Variants in NFU1 observed in about 807,000 individuals in gnomAD.
The protein encoded by NFU1 is NFU1 iron-sulfur cluster scaffold, also known as NFU1 iron-sulfur cluster scaffold homolog, mitochondrial.
In NFU1, 30 loss-of-function variants were observed where a neutral mutation model predicts 32.2. The ratio of observed to expected loss-of-function variants is 0.93; its 90% CI spans 0.70 to 1.26. NFU1 has a LOEUF of 1.26. Among genes scored for constraint, NFU1 ranks in the 50% most tolerant of loss-of-function variants. The pLI, the probability that NFU1 is intolerant of heterozygous loss-of-function variation, is 0.00. For synonymous variants in NFU1, 112 were observed against 104.6 expected (o/e 1.07, Z -0.43); for missense variants, 306 against 306.6 (o/e 1.00, Z 0.02).
At chr2:69,432,140 C>T (rs1382040647) in intron 1 of NFU1, 135 bp from the exon 2 acceptor site, 2 of 661,088 alleles carry the variant, frequency 3.0e-6, no homozygotes, top group Non-Finnish European at 5.4e-6. Flanking sequence ...AGAGAACTGA[C>T]TTTTCATCTT....
intron 2 of NFU1, 97 bp downstream of exon 2, chr2:69,431,805 A>C (rs1428839140): frequency 3.7e-6 from 3 of 813,644 alleles, no homozygotes; most frequent in Non-Finnish European, 6.3e-6. Flanking sequence ...TTCTAAATAG[A>C]AAATATACAA....
chr2:69,424,133 C>G (rs1369839898), intron 2 of NFU1, among the ~76,000 whole-genome samples: 1 of 126,368 alleles, frequency 7.9e-6, no homozygotes, highest in African/African-American at 3.0e-5. Context: ...GATTGCACCA[C>G]TGCACTCCAG....
rs971572991 is a variant in NFU1, at chr2:69,399,041, G to A, written c.720+1323C>T. Among the ~76,000 whole-genome samples, 6 of 151,954 alleles carry A rather than the reference G, an allele frequency of 3.9e-5. No individual in the cohort carries two copies. The South Asian group carries it at 6.3e-4, about 16-fold the overall frequency. Reference sequence around the variant, plus strand: ...AGCCTGGGCAACATGATGAAACCCCGTCTCTACTAAAATACAAAATACAAA... The same window carrying A: ...AGCCTGGGCAACATGATGAAACCCCATCTCTACTAAAATACAAAATACAAA... On this transcript the variant is annotated intron_variant, in intron 7 of 7. Coordinates refer to ENST00000410022, the MANE Select transcript of NFU1 (RefSeq NM_001002755.4).
intron 2 of NFU1, among the ~76,000 whole-genome samples, chr2:69,427,874 T>C (rs749935527): frequency 6.6e-6 from 1 of 151,096 alleles, no homozygotes; most frequent in Non-Finnish European, 1.5e-5. Context: ...AATACAAAAA[T>C]TAGCCAGGCG....
At chr2:69,419,292 A>C (rs963781741) in intron 4 of NFU1, among the ~76,000 whole-genome samples, 1 of 151,912 alleles carries the variant, frequency 6.6e-6, no homozygotes, top group African/African-American at 2.4e-5. Flanking sequence ...GCACCATCAC[A>C]CTCCAGCCTG....
Position 69,423,674 on chromosome 2 carries a change from GT to G in NFU1, c.209del (p.Asn70ThrfsTer3). 6.2e-7 allele frequency: 1 copy of G among 1,609,330 alleles called. No individual in the cohort carries two copies. The highest frequency in any genetic ancestry group is 2.2e-5 in the East Asian group (1 of 44,848). ...FIQTQDTPNP[N>X]SLKFIPGKPV... ...GTTTTCCTGGTATAAACTTTAAGCT[GT>G]TTGGATTTGGGGTATCTTGTGTTTG... On this transcript the variant is annotated frameshift_variant, in exon 3 of 8. Coordinates refer to ENST00000410022, the MANE Select transcript of NFU1 (RefSeq NM_001002755.4). LOFTEE classifies it high-confidence loss of function.
At position 69,400,681 on chromosome 2, in the gene NFU1, T is replaced by C. The variant is rs568505994; in HGVS notation, c.546-143A>G. On this transcript the variant is annotated intron_variant, in intron 6 of 7. Transcript: ENST00000410022. ...CTTTTATAATACAGAATAATAACTG[T>C]GGCTAAGTTTTATTTAGAATTAAAT... is the stretch of plus-strand genomic sequence containing the variant. 1.0e-5 allele frequency: 7 copies of C among 677,734 alleles called. No homozygotes were observed. In the South Asian group the frequency reaches 1.2e-4, roughly 11 times the overall value. The allele number at this position is 677,734 out of a possible 1,614,324, so 42.0% of individuals were successfully genotyped here. A position where few individuals can be genotyped will look rare whatever the true frequency, so the allele number is the denominator to read the frequency against.
At position 69,434,154 on chromosome 2, in the gene NFU1, T is replaced by A. The variant is rs1349059156; in HGVS notation, c.63-2149A>T. On this transcript the variant is annotated intron_variant, in intron 1 of 7. Transcript: ENST00000410022. Reference sequence around the variant, plus strand: ...TTCACTTCACTTTTTTTTTTCTTTTTTTTTTTGTGAGACGGAGTCTTGCTC... The same window carrying A: ...TTCACTTCACTTTTTTTTTTCTTTTATTTTTTGTGAGACGGAGTCTTGCTC... 1.7e-4 allele frequency among the ~76,000 whole-genome samples: 26 copies of A among 151,846 alleles called. No homozygotes were observed. The South Asian group carries it at 5.0e-3, about 29-fold the overall frequency.
chr2:69,414,673 G>C (rs527522956), intron 5 of NFU1, among the ~76,000 whole-genome samples: 2 of 146,918 alleles, frequency 1.4e-5, no homozygotes, highest in South Asian at 4.4e-4. Context: ...ACAAAAACTA[G>C]TCTTATATAT....
At chr2:69,404,748 T>G (rs1351186904) in intron 6 of NFU1, among the ~76,000 whole-genome samples, 2 of 150,296 alleles carry the variant, frequency 1.3e-5, no homozygotes, top group Non-Finnish European at 3.0e-5. Flanking sequence ...GTCTCCCTAG[T>G]AGCTGGGATT....
chr2:69,417,387 A>T (rs1472440062), intron 4 of NFU1, among the ~76,000 whole-genome samples: 1 of 151,936 alleles, frequency 6.6e-6, no homozygotes, highest in Non-Finnish European at 1.5e-5. Context: ...TCACACCTGT[A>T]ATCCCAACAT....
chr2:69,407,941 A>G (rs917808506), intron 5 of NFU1, among the ~76,000 whole-genome samples: 24 of 150,102 alleles, frequency 1.6e-4, no homozygotes, highest in Non-Finnish European at 3.1e-4. Context: ...TGAACCCAGG[A>G]GGTGGAGGTG....
chr2:69,407,950 T>G (rs1210191656), intron 5 of NFU1, among the ~76,000 whole-genome samples: 2 of 146,302 alleles, frequency 1.4e-5, no homozygotes, highest in Non-Finnish European at 3.0e-5. Context: ...GAGGTGGAGG[T>G]GGCAGTGAGC....
chr2:69,397,386 G>A (rs1268911318), intron 7 of NFU1, among the ~76,000 whole-genome samples: 2 of 152,066 alleles, frequency 1.3e-5, no homozygotes, highest in Non-Finnish European at 2.9e-5. Flanking sequence ...TAAGATAACA[G>A]ACTAACTCCA....
chr2:69,412,944 T>C (rs964658849), intron 5 of NFU1, among the ~76,000 whole-genome samples: 11 of 149,204 alleles, frequency 7.4e-5, no homozygotes, highest in Admixed American at 2.0e-4. Flanking sequence ...GAAAAGTAAA[T>C]GGCCAATAAA....
chr2:69,439,169 C>G (rs141682599), upstream of NFU1, among the ~76,000 whole-genome samples: 2 of 152,132 alleles, frequency 1.3e-5, no homozygotes, highest in African/African-American at 4.8e-5. Flanking sequence ...ACTTCCCACT[C>G]CTCAAACCCC....
upstream of NFU1, among the ~76,000 whole-genome samples, chr2:69,439,521 A>G (rs1362711147): frequency 6.6e-6 from 1 of 152,214 alleles, no homozygotes; most frequent in Non-Finnish European, 1.5e-5. Flanking sequence ...ACAAAGAGCA[A>G]AAGAACAAAG....
At chr2:69,423,900 C>T (rs901555472) in intron 2 of NFU1, among the ~76,000 whole-genome samples, 183 bp from the exon 3 acceptor site, 1 of 151,906 alleles carries the variant, frequency 6.6e-6, no homozygotes, top group African/African-American at 2.4e-5. Context: ...TAGAGCCGGG[C>T]GCAGTGGCTC....
At chr2:69,438,801 C>T (rs745653054), upstream of NFU1, among the ~76,000 whole-genome samples, 12 of 151,966 alleles carry the variant, frequency 7.9e-5, no homozygotes, top group Non-Finnish European at 1.5e-4. Context: ...GTGCCTCCTA[C>T]GAGTTTGGTT....
Sources: allele counts gnomAD v4.1 joint callset (sites outside exome capture counted in the v4.1 genomes callset), GRCh38; gene constraint gnomAD v4.1.1; transcripts MANE v1.5; gene names NCBI Gene and HGNC (gene_info 2026-07-23, HGNC 2026-07-21).